The following RBM14 variants were observed in gnomAD, a reference collection of about 807,000 sequenced individuals.
RBM14 encodes RNA-binding protein 14.
RBM14 carries 5 observed loss-of-function variants against 52.8 expected under a neutral mutation model. The ratio of observed to expected loss-of-function variants is 0.09; its 90% CI spans 0.05 to 0.20. The LOEUF (loss-of-function observed/expected upper bound fraction) is 0.20. Among genes scored for constraint, RBM14 ranks in the 10% least tolerant of loss-of-function variants. RBM14 has a pLI of 1.00. For missense variants in RBM14, 780 were observed against 926.6 expected, an observed-to-expected ratio of 0.84 and a Z score of 2.05; for synonymous variants, 411 against 401.8, an observed-to-expected ratio of 1.02 and a Z score of -0.28.
At chr11:66,623,664 A>T (rs1024672246) in intron 1 of RBM14, among the ~76,000 whole-genome samples, 1 of 152,212 alleles carries the variant, frequency 6.6e-6, no homozygotes, top group Non-Finnish European at 1.5e-5. Flanking sequence ...CGGAGAGATC[A>T]TATTGGAATG....
chr11:66,625,977 C>G lies in RBM14; in HGVS notation c.1802+299C>G, dbSNP rs1407867082. ...TGCCTGCAGGACTGTGGCCCATATC[C>G]TTTCCCACTGTCTCAAGGATCCTTA... On this transcript the variant is annotated intron_variant, in intron 2 of 2. Coordinates refer to ENST00000310137, the MANE Select transcript of RBM14 (RefSeq NM_006328.4). The surrounding 1 kb of genome is among the most constrained non-coding windows in gnomAD (Gnocchi z 4.2). 6.6e-6 allele frequency among the ~76,000 whole-genome samples: 1 copy of G among 152,222 alleles called. No homozygotes were observed. Among genetic ancestry groups the G allele is most frequent in the Non-Finnish European group, 1.5e-5 (1 of 68,042 alleles).
chr11:66,622,618 C>G (rs2135015515), intron 1 of RBM14, among the ~76,000 whole-genome samples: 1 of 152,322 alleles, frequency 6.6e-6, no homozygotes, highest in East Asian at 1.9e-4. Flanking sequence ...CCCTTTTGTG[C>G]TATGCCACAC....
At chr11:66,617,146 C>A in intron 1 of RBM14, 89 bp downstream of exon 1, 1 of 1,498,366 alleles carries the variant, frequency 6.7e-7, no homozygotes, top group Non-Finnish European at 8.8e-7. Flanking sequence ...GGTCACTGCG[C>A]GGTTGGGAGG....
Position 66,626,661 on chromosome 11 carries a change from G to A in RBM14, c.2003G>A (p.Arg668His), listed in dbSNP as rs1011233354. The change falls in exon 3 of 3, where the codon CGC (arginine) becomes CAC (histidine). Residue 668 changes from arginine (R) to histidine (H), a missense_variant. Coordinates refer to ENST00000310137, the MANE Select transcript of RBM14 (RefSeq NM_006328.4). The part of the protein sequence containing the change: ...AAQMHSGYQR[R>H]M ...CAGATGCACTCTGGCTACCAGCGCC[G>A]CATGTAGGGCCATCCTGGGATGGGG... 2 of 1,603,962 alleles carry A rather than the reference G, an allele frequency of 1.2e-6. No individual in the cohort carries two copies. Among genetic ancestry groups the A allele is most frequent in the African/African-American group, 1.3e-5 (1 of 74,840 alleles).
rs1937702660 is a variant in RBM14, at chr11:66,624,649, G to T, written c.773G>T (p.Gly258Val). 1 of 1,613,178 alleles carries T rather than the reference G, an allele frequency of 6.2e-7. No individual in the cohort carries two copies. Among genetic ancestry groups the T allele is most frequent in the East Asian group, 2.2e-5 (1 of 44,858 alleles). ...AYRAQPSASL[G>V]VGYRTQPMTA... ...AGGGCCCAGCCTTCTGCCTCTTTGG[G>T]TGTTGGCTATCGGACTCAGCCCATG... The change falls in exon 2 of 3, where the codon GGT becomes GTT. Residue 258 changes from glycine to valine, a missense_variant. Around this residue, in one of 4 missense-constraint regions of RBM14, gnomAD observed 675 missense variants for 697.3 expected, o/e 0.97. Transcript: ENST00000310137. This position sits in a 1 kb window ranked among gnomAD's most constrained non-coding sequence, Gnocchi z 4.7.
Position 66,625,168 on chromosome 11 carries a change from C to T in RBM14, c.1292C>T (p.Ala431Val), listed in dbSNP as rs756414532. 3.7e-6 allele frequency: 6 copies of T among 1,612,504 alleles called. No homozygotes were observed. Among genetic ancestry groups the T allele is most frequent in the Non-Finnish European group, 5.1e-6 (6 of 1,179,982 alleles). ...GCTTCCTACTCTTCCCAACCTGCTG[C>T]CTATGTGGCACAGCCAGCCACAGCT... ...QAASYSSQPAAYVAQPATAAA... is the reference protein window; with the variant it reads ...QAASYSSQPAVYVAQPATAAA... Residue 431 changes from alanine to valine, a missense_variant, in exon 2 of 3, where the codon GCC (alanine) becomes GTC (valine). Ala to Val is a moderately conservative substitution (Grantham distance 64). Around this residue, in one of 4 missense-constraint regions of RBM14, gnomAD observed 675 missense variants for 697.3 expected, o/e 0.97. Coordinates refer to ENST00000310137, the MANE Select transcript of RBM14 (RefSeq NM_006328.4). The surrounding 1 kb of genome is among the most constrained non-coding windows in gnomAD (Gnocchi z 4.2).
chr11:66,625,206 A>T lies in RBM14; in HGVS notation c.1330A>T (p.Ser444Cys). The T allele has an allele frequency of 6.2e-7, 1 of 1,611,674 alleles. No individual in the cohort carries two copies. ...GCCAGCCACAGCTGCTGCCTATGCC[A>T]GCCAGCCAGCAGCCTACGCCGCACA... ...AQPATAAAYA[S>C]QPAAYAAQAT... Residue 444 changes from serine to cysteine, a missense_variant, in exon 2 of 3, where the codon AGC becomes TGC. By Grantham distance (112) the Ser-to-Cys change is moderately radical. Coordinates refer to ENST00000310137, the MANE Select transcript of RBM14 (RefSeq NM_006328.4). This position sits in a 1 kb window ranked among gnomAD's most constrained non-coding sequence, Gnocchi z 4.2.
In RBM14 at chr11:66,624,890, T is replaced by C. The variant is rs1337756250; in HGVS notation, c.1014T>C (p.Leu338=). The change falls in exon 2 of 3, where the codon CTT becomes CTC. Residue 338 remains leucine (L), a synonymous_variant. Transcript: ENST00000310137. The surrounding 1 kb of genome is among the most constrained non-coding windows in gnomAD (Gnocchi z 4.7). ...LNSYGAQGSS[L]ASYGNQPSSY... is the part of the protein sequence containing the mutation. ...CCTATGGGGCTCAGGGTTCCTCCCTTGCCTCCTATGGTAACCAGCCATCCT... is the reference window on the plus strand; with the variant it reads ...CCTATGGGGCTCAGGGTTCCTCCCTCGCCTCCTATGGTAACCAGCCATCCT... 1 of 1,613,500 alleles carries C rather than the reference T, an allele frequency of 6.2e-7. No individual in the cohort carries two copies. Among genetic ancestry groups the C allele is most frequent in the Non-Finnish European group, 8.5e-7 (1 of 1,179,880 alleles).
At chr11:66,618,897 ACTC>A (rs1289039953) in intron 1 of RBM14, 2 of 256,738 alleles carry the variant, frequency 7.8e-6, no homozygotes, top group Admixed American at 5.4e-5. Context: ...AATTTTTAGA[ACTC>A]CTGGCTGACT....
chr11:66,623,786 C>T (rs1937656182), intron 1 of RBM14: 4 of 680,868 alleles, frequency 5.9e-6, no homozygotes. Flanking sequence ...GAGAGTTAGG[C>T]CTCAAAAGTG....
chr11:66,619,145 G>A (rs1324936908), intron 1 of RBM14: 1 of 152,408 alleles, frequency 6.6e-6, no homozygotes, highest in African/African-American at 2.4e-5. Flanking sequence ...TGAAAGTTGG[G>A]AGTGTAGTAG....
At position 66,625,478 on chromosome 11, in the gene RBM14, C is replaced by G; in HGVS notation, c.1602C>G (p.Pro534=). 1 of 1,613,354 alleles carries G rather than the reference C, an allele frequency of 6.2e-7. No individual in the cohort carries two copies. Among genetic ancestry groups the G allele is most frequent in the South Asian group, 1.1e-5 (1 of 91,050 alleles). The change falls in exon 2 of 3, where the codon CCC becomes CCG. Residue 534 remains proline (P), a synonymous_variant. Coordinates refer to ENST00000310137, the MANE Select transcript of RBM14 (RefSeq NM_006328.4). This position sits in a 1 kb window ranked among gnomAD's most constrained non-coding sequence, Gnocchi z 4.2. ...LAASYAAQQH[P]QAAASYRGQP... is the part of the protein sequence containing the mutation. ...CTTCCTATGCTGCCCAGCAGCATCC[C>G]CAGGCTGCTGCCTCCTACCGCGGCC...
intron 1 of RBM14, among the ~76,000 whole-genome samples, chr11:66,622,300 C>T (rs1199600583): frequency 6.8e-6 from 1 of 146,500 alleles, no homozygotes; most frequent in Non-Finnish European, 1.5e-5. Context: ...GGTGCCATTT[C>T]GGCTCACTGC....
chr11:66,622,037 TCTGGAGTAG>T (rs1859136356), intron 1 of RBM14, among the ~76,000 whole-genome samples: 1 of 151,838 alleles, frequency 6.6e-6, no homozygotes, highest in African/African-American at 2.4e-5. Flanking sequence ...TCCCTCAGCC[TCTGGAGTAG>T]CTGGGATTAC....
In RBM14 at chr11:66,629,500, A is replaced by G. The variant is rs1292605048; in HGVS notation, c.*2832A>G. On this transcript the variant is annotated 3_prime_UTR_variant, in exon 3 of 3. Coordinates refer to ENST00000310137, the MANE Select transcript of RBM14 (RefSeq NM_006328.4). ...GTAGGCTACCGTTCTAGTCATACCC[A>G]TCACTTAAATTCTGCCACAGTCTGC... is the stretch of plus-strand genomic sequence containing the variant. 6.6e-6 allele frequency among the ~76,000 whole-genome samples: 1 copy of G among 152,198 alleles called. No individual in the cohort carries two copies. The highest frequency in any genetic ancestry group is 1.5e-5 in the Non-Finnish European group (1 of 68,036).
intron 1 of RBM14, among the ~76,000 whole-genome samples, chr11:66,623,091 G>C (rs1430256467): frequency 6.6e-6 from 1 of 152,176 alleles, no homozygotes; most frequent in Admixed American, 6.5e-5. Flanking sequence ...AGCTTATTCA[G>C]GTCATAATGA....
rs1017180056 is a variant in RBM14 at position 66,626,802 on chromosome 11, T to G, written c.*134T>G. ...TTCATGCCCTCTACCATGTGGGCCT[T>G]CCCCAGGAGATGATCCTGTTAAGTG... On this transcript the variant is annotated 3_prime_UTR_variant, in exon 3 of 3. Transcript: ENST00000310137. The G allele has an allele frequency of 2.4e-6, 2 of 844,242 alleles. No individual in the cohort carries two copies. The highest frequency in any genetic ancestry group is 5.8e-5 in the Admixed American group (2 of 34,750). 52.3% of individuals were successfully genotyped at this position (844,242 alleles called of 1,614,324 possible).
chr11:66,617,036 A>G lies in RBM14; in HGVS notation c.316A>G (p.Ile106Val), dbSNP rs773298115. The change falls in exon 1 of 3, where the codon ATC becomes GTC. Residue 106 changes from isoleucine to valine, a missense_variant. Physicochemically the swap from Ile to Val is conservative, Grantham distance 29 (BLOSUM62 3). This residue lies in a region of RBM14 where 33 missense variants were observed against 87.3 expected (regional missense o/e 0.38). Coordinates refer to ENST00000310137, the MANE Select transcript of RBM14 (RefSeq NM_006328.4). ...RSLFERRGRVIECDVVKDYAF... is the reference protein window; with the variant it reads ...RSLFERRGRVVECDVVKDYAF... ...CCTCTTCGAGCGCCGCGGACGCGTC[A>G]TCGAGTGTGACGTGGTGAAAGGTAA... The G allele has an allele frequency of 2.5e-6, 4 of 1,601,236 alleles. No individual in the cohort carries two copies. The highest frequency in any genetic ancestry group is 1.1e-5 in the South Asian group (1 of 90,540).
At chr11:66,620,324 A>G (rs1409281595) in intron 1 of RBM14, among the ~76,000 whole-genome samples, 2 of 150,918 alleles carry the variant, frequency 1.3e-5, no homozygotes, top group African/African-American at 2.4e-5. Flanking sequence ...ATTTTTTTTT[A>G]TGAGACAGAG....
Sources: allele counts gnomAD v4.1 joint callset (sites outside exome capture counted in the v4.1 genomes callset), GRCh38; gene constraint gnomAD v4.1.1; regional missense constraint gnomAD v4.1.1; non-coding constraint Gnocchi (gnomAD v3.1); transcripts MANE v1.5; gene names NCBI Gene and HGNC (gene_info 2026-07-23, HGNC 2026-07-21).